AMMECR1: variants seen among roughly 807,000 people sequenced by gnomAD.
The protein encoded by AMMECR1 is nuclear protein AMMECR1.
A neutral mutation model predicts 22.5 loss-of-function variants in AMMECR1; 3 were observed. The observed-to-expected ratio is 0.13, with a 90% confidence interval of 0.06 to 0.35. The LOEUF (loss-of-function observed/expected upper bound fraction) is 0.35. Among genes scored for constraint, AMMECR1 ranks in the 10% least tolerant of loss-of-function variants. The pLI, the probability that AMMECR1 is intolerant of heterozygous loss-of-function variation, is 1.00. For missense variants in AMMECR1, 235 were observed against 278.7 expected (o/e 0.84, Z 1.12); for synonymous variants, 130 against 116.7 (o/e 1.11, Z -0.74).
At chrX:110,384,731 A>G (rs1487590909) in intron 2 of AMMECR1, among the ~76,000 whole-genome samples, 1 of 110,599 alleles carries the variant, frequency 9.0e-6, no homozygotes, top group African/African-American at 3.3e-5. Context: ...GAGTCACTAT[A>G]AGAGCTTTTC....
chrX:110,354,359 T>C (rs1202714403), intron 2 of AMMECR1, among the ~76,000 whole-genome samples: 2 of 112,204 alleles, frequency 1.8e-5, no homozygotes, highest in Non-Finnish European at 3.8e-5. Flanking sequence ...TACATGTACA[T>C]ACTTTTTTCT....
At chrX:110,405,482 A>G (rs1007830688) in intron 2 of AMMECR1, among the ~76,000 whole-genome samples, 4 of 111,916 alleles carry the variant, frequency 3.6e-5, no homozygotes, top group Non-Finnish European at 7.5e-5. Context: ...CAAGAATGTT[A>G]GTGCTCCAGA....
intron 2 of AMMECR1, among the ~76,000 whole-genome samples, chrX:110,385,320 T>C (rs919378842): frequency 8.9e-6 from 1 of 112,172 alleles, no homozygotes; most frequent in Non-Finnish European, 1.9e-5. Flanking sequence ...TATTAGCTTT[T>C]AAAAACAGCT....
chrX:110,255,387 T>C (rs1307458481), intron 2 of AMMECR1, among the ~76,000 whole-genome samples: 1 of 111,659 alleles, frequency 9.0e-6, no homozygotes, highest in African/African-American at 3.3e-5. Flanking sequence ...TTGTTTACTG[T>C]TCTTCATATG....
rs538812473 is a variant in AMMECR1, at chrX:110,413,514, AC to A, written c.-148+13143del. ...CTTTATAACCATCCCCTCCTGGTCA[AC>A]CCCCCCCCACCCCCACATTCAACGA... On this transcript the variant is annotated intron_variant, in intron 2 of 7. Transcript: ENST00000372057. Among the ~76,000 whole-genome samples the A allele has an allele frequency of 6.2e-4, 58 of 93,312 alleles. No homozygotes were observed. The South Asian group carries it at 8.9e-3, about 14-fold the overall frequency. The allele number at this position is 93,312 out of a possible 115,157, so 81.0% of individuals were successfully genotyped here. A position where few individuals can be genotyped will look rare whatever the true frequency, so the allele number is the denominator to read the frequency against.
intron 2 of AMMECR1, among the ~76,000 whole-genome samples, chrX:110,424,317 C>T (rs1244458692): frequency 9.0e-6 from 1 of 111,694 alleles, no homozygotes; most frequent in Non-Finnish European, 1.9e-5. Context: ...GCTGCTGTTG[C>T]TGCTGCTACT....
intron 2 of AMMECR1, among the ~76,000 whole-genome samples, chrX:110,223,943 TA>T (rs2067518027): frequency 1.8e-5 from 2 of 112,085 alleles, no homozygotes; most frequent in Non-Finnish European, 3.8e-5. Context: ...GCAAGTCTCT[TA>T]ATCTATGCCA....
intron 2 of AMMECR1, among the ~76,000 whole-genome samples, chrX:110,355,595 G>T (rs905334471): frequency 4.5e-5 from 5 of 111,957 alleles, no homozygotes; most frequent in African/African-American, 1.6e-4. Flanking sequence ...GTGTTGGTGA[G>T]AATATGGTGA....
At chrX:110,228,062 G>A (rs1403823603) in intron 2 of AMMECR1, among the ~76,000 whole-genome samples, 1 of 112,118 alleles carries the variant, frequency 8.9e-6, no homozygotes, top group Non-Finnish European at 1.9e-5. Context: ...ATAACTGCAT[G>A]TCTGTTCTTA....
chrX:110,198,391 C>A lies in AMMECR1; in HGVS notation c.*129G>T. 2.9e-6 allele frequency: 1 copy of A among 344,527 alleles called. No homozygotes were observed. The highest frequency in any genetic ancestry group is 5.0e-6 in the Non-Finnish European group (1 of 198,656). 28.4% of individuals were successfully genotyped at this position (344,527 alleles called of 1,213,427 possible). A position where few individuals can be genotyped will look rare whatever the true frequency, so the allele number is the denominator to read the frequency against. On this transcript the variant is annotated 3_prime_UTR_variant, in exon 6 of 6. Coordinates refer to ENST00000262844, the MANE Select transcript of AMMECR1 (RefSeq NM_015365.3). Reference sequence around the variant, plus strand: ...ATGATCTTAGTTGACGATGTCGAAGCTTCACCATGGCAACGGAAACTATCA... The same window carrying A: ...ATGATCTTAGTTGACGATGTCGAAGATTCACCATGGCAACGGAAACTATCA...
chrX:110,292,643 G>A (rs747993055), intron 1 of AMMECR1, among the ~76,000 whole-genome samples: 19 of 112,450 alleles, frequency 1.7e-4, no homozygotes, highest in Admixed American at 2.8e-4. Flanking sequence ...TTCCAACGAT[G>A]TGACACTCTG....
In AMMECR1 at chrX:110,228,029, T is replaced by G. The variant is rs763038983; in HGVS notation, c.585-11397A>C. 8.9e-5 allele frequency among the ~76,000 whole-genome samples: 10 copies of G among 112,233 alleles called. No individual in the cohort carries two copies. The South Asian group carries it at 2.2e-3, about 25-fold the overall frequency. ...ATTCCTTGATCTGTGTGCTTTTAAA[T>G]GGCATATTTCTCTATGGTAAGTATA... On this transcript the variant is annotated intron_variant, in intron 2 of 5. Coordinates refer to ENST00000262844, the MANE Select transcript of AMMECR1 (RefSeq NM_015365.3).
chrX:110,425,528 G>A (rs2068747002), intron 2 of AMMECR1, among the ~76,000 whole-genome samples: 1 of 112,978 alleles, frequency 8.9e-6, no homozygotes, highest in African/African-American at 3.2e-5. Flanking sequence ...TTTCTTAAGA[G>A]GTTCTGTGCT....
intron 2 of AMMECR1, chrX:110,347,011 A>G (rs1216635037): frequency 2.4e-5 from 11 of 467,320 alleles, no homozygotes; most frequent in Non-Finnish European, 3.9e-5. Context: ...AGAAGGGCTC[A>G]GGAATACCAG....
At chrX:110,271,478 C>T (rs1266089346) in intron 1 of AMMECR1, among the ~76,000 whole-genome samples, 2 of 111,875 alleles carry the variant, frequency 1.8e-5, no homozygotes, top group African/African-American at 6.5e-5. Context: ...ATACAATCAG[C>T]CAAAGCACAA....
rs1255305482 is a variant in AMMECR1, at chrX:110,394,449, C to T, written c.-148+32209G>A. On this transcript the variant is annotated intron_variant, in intron 2 of 7. Coordinates refer to the AMMECR1 transcript ENST00000372057. ...TGTATTTTTAGTAGAGACAGGGTTT[C>T]ACCATGTTGCCCAGGCTGGTATTTG... Among the ~76,000 whole-genome samples the T allele has an allele frequency of 2.7e-5, 3 of 112,045 alleles. No individual in the cohort carries two copies. In the East Asian group the frequency reaches 8.4e-4, roughly 31 times the overall value.
At chrX:110,387,852 T>G (rs747981445) in intron 2 of AMMECR1, among the ~76,000 whole-genome samples, 7 of 99,786 alleles carry the variant, frequency 7.0e-5, no homozygotes, top group Non-Finnish European at 9.9e-5. Context: ...GTTATCTCCC[T>G]CTCTCTTTTT....
chrX:110,336,524 AAAAACAAAAC>A lies in AMMECR1; in HGVS notation c.-147-18685_-147-18676del, dbSNP rs763817741. 6.4e-3 allele frequency among the ~76,000 whole-genome samples: 707 copies of A among 110,283 alleles called. 5 individuals are homozygous for A. The highest frequency in any genetic ancestry group is 0.021 in the African/African-American group (644 of 30,182). On this transcript the variant is annotated intron_variant, in intron 2 of 7. Coordinates refer to the AMMECR1 transcript ENST00000372057. The stretch of plus-strand genomic sequence containing the variant: ...CATGGTGAAACCCTGTCTCTACTAA[AAAAACAAAAC>A]AAAACAAAACAAAACAAAAAAACAA...
intron 1 of AMMECR1, among the ~76,000 whole-genome samples, chrX:110,274,347 T>C (rs1274630808): frequency 8.9e-6 from 1 of 112,328 alleles, no homozygotes; most frequent in Non-Finnish European, 1.9e-5. Context: ...ATTAATAATG[T>C]TGAAATATCC....
Sources: gnomAD v4.1 joint callset for allele counts (sites outside exome capture counted in the v4.1 genomes callset) on GRCh38, gnomAD v4.1.1 for gene constraint, MANE v1.5 for transcripts, NCBI Gene and HGNC (gene_info 2026-07-23, HGNC 2026-07-21) for gene names.